NELL1: variants seen among roughly 807,000 people sequenced by gnomAD.
NELL1 encodes neural EGFL like 1.
Under a neutral mutation model 107.4 loss-of-function variants are expected in NELL1, and 76 were observed. That is an observed-to-expected ratio of 0.71 (90% confidence interval 0.59 to 0.86). The LOEUF is 0.86. Ranked by LOEUF, NELL1 falls within the 40% of genes least tolerant of loss-of-function variation. NELL1 has a pLI of 0.00. For synonymous variants in NELL1, 353 were observed against 341.2 expected (o/e 1.03, Z -0.38); for missense variants, 1,024 against 1,005.5 (o/e 1.02, Z -0.25).
At chr11:21,158,483 A>C (rs1368337182) in intron 13 of NELL1, among the ~76,000 whole-genome samples, 1 of 152,184 alleles carries the variant, frequency 6.6e-6, no homozygotes, top group Non-Finnish European at 1.5e-5. Flanking sequence ...AGTGTTATCT[A>C]TTATTGTTTT....
chr11:21,245,559 C>T (rs1435247575), intron 14 of NELL1, among the ~76,000 whole-genome samples: 3 of 152,100 alleles, frequency 2.0e-5, no homozygotes, highest in Non-Finnish European at 4.4e-5. Context: ...ACTCTGTGTC[C>T]AGAATATCAC....
At chr11:21,123,411 A>G (rs924968155) in intron 13 of NELL1, among the ~76,000 whole-genome samples, 1 of 151,892 alleles carries the variant, frequency 6.6e-6, no homozygotes, top group Non-Finnish European at 1.5e-5. Context: ...GAGTATATTA[A>G]CAGCTTTGAA....
At chr11:21,078,685 G>T (rs576165125) in intron 12 of NELL1, among the ~76,000 whole-genome samples, 3 of 152,146 alleles carry the variant, frequency 2.0e-5, no homozygotes, top group Admixed American at 6.5e-5. Flanking sequence ...TACTGCATGG[G>T]TATGTGTGTA....
At chr11:21,489,404 A>AAAAAAAAAAAAAAAAAAAC (rs1554922049) in intron 15 of NELL1, among the ~76,000 whole-genome samples, 4 of 137,200 alleles carry the variant, frequency 2.9e-5, no homozygotes, top group African/African-American at 9.0e-5. Context: ...AAAAAAAAAA[A>AAAAAAAAAAAAAAAAAAAC]AAAACAGAAG....
intron 14 of NELL1, among the ~76,000 whole-genome samples, chr11:21,292,364 C>T (rs1849288108): frequency 6.6e-6 from 1 of 152,108 alleles, no homozygotes; most frequent in Admixed American, 6.6e-5. Flanking sequence ...AGGAATACAA[C>T]TTATGAGGGA....
At chr11:21,477,770 T>C (rs1174909858) in intron 15 of NELL1, among the ~76,000 whole-genome samples, 1 of 151,902 alleles carries the variant, frequency 6.6e-6, no homozygotes, top group Non-Finnish European at 1.5e-5. Context: ...ATAGCTGTTT[T>C]GAGGAAACTC....
intron 12 of NELL1, among the ~76,000 whole-genome samples, chr11:20,989,919 C>A (rs1396790590): frequency 1.3e-5 from 2 of 151,706 alleles, no homozygotes; most frequent in African/African-American, 4.9e-5. Flanking sequence ...ATGGCATGAA[C>A]CCGGGAGGCA....
At chr11:20,803,457 T>A (rs1857319625) in intron 3 of NELL1, among the ~76,000 whole-genome samples, 1 of 152,202 alleles carries the variant, frequency 6.6e-6, no homozygotes, top group South Asian at 2.1e-4. Flanking sequence ...TTAATCTGGC[T>A]AAAGATTTGT....
At chr11:21,471,355 G>A (rs1337856604) in intron 15 of NELL1, among the ~76,000 whole-genome samples, 1 of 151,988 alleles carries the variant, frequency 6.6e-6, no homozygotes, top group Admixed American at 6.6e-5. Flanking sequence ...TTTCTGTCTT[G>A]ACCACTAGAA....
chr11:20,919,330 C>A lies in NELL1; in HGVS notation c.755C>A (p.Ala252Glu), dbSNP rs1850327689. 1 of 1,570,918 alleles carries A rather than the reference C, an allele frequency of 6.4e-7. No individual in the cohort carries two copies. The highest frequency in any genetic ancestry group is 8.7e-7 in the Non-Finnish European group (1 of 1,146,010). ...DLQELLAKMT[A>E]KLNYAETRLS... ...CAAGAGCTTTTGGCCAAGATGACTG[C>A]AAAAGTAGGTATCTAAATTTCATTT... is the stretch of plus-strand genomic sequence containing the variant. Residue 252 changes from alanine (A) to glutamate (E), a missense_variant, in exon 7 of 20, where the codon GCA becomes GAA. Ala to Glu is a moderately radical substitution (Grantham distance 107). Coordinates refer to ENST00000357134, the MANE Select transcript of NELL1 (RefSeq NM_006157.5).
intron 2 of NELL1, among the ~76,000 whole-genome samples, chr11:20,680,609 G>A (rs1231309290): frequency 6.6e-6 from 1 of 152,094 alleles, no homozygotes; most frequent in Non-Finnish European, 1.5e-5. Flanking sequence ...AAAGAAGAAA[G>A]GAGTCACTGG....
chr11:21,227,076 T>G (rs559769457), intron 13 of NELL1, among the ~76,000 whole-genome samples: 1 of 152,230 alleles, frequency 6.6e-6, no homozygotes, highest in Middle Eastern at 3.2e-3. Context: ...GAACCATACC[T>G]TTCTCCATAC....
intron 12 of NELL1, among the ~76,000 whole-genome samples, chr11:20,992,858 G>T (rs996678074): frequency 6.6e-6 from 1 of 151,942 alleles, no homozygotes; most frequent in Non-Finnish European, 1.5e-5. Context: ...GGGATTACAG[G>T]CATGCGCCAC....
intron 13 of NELL1, among the ~76,000 whole-genome samples, chr11:21,215,831 C>G (rs1051991650): frequency 7.2e-5 from 11 of 152,076 alleles, no homozygotes; most frequent in Non-Finnish European, 1.3e-4. Context: ...TAATTTGCAG[C>G]CTGACAATGT....
intron 14 of NELL1, among the ~76,000 whole-genome samples, chr11:21,275,383 G>A (rs1212824680): frequency 6.6e-6 from 1 of 152,074 alleles, no homozygotes; most frequent in African/African-American, 2.4e-5. Context: ...ACCAATAACA[G>A]GCTCTGAAAT....
In NELL1 at chr11:21,511,764, G is replaced by A. The variant is rs908594983; in HGVS notation, c.1646-22610G>A. 8.2e-4 allele frequency among the ~76,000 whole-genome samples: 125 copies of A among 152,292 alleles called. 2 individuals carry two copies. Among genetic ancestry groups the A allele is most frequent in the East Asian group, 3.9e-4 (2 of 5,184 alleles). Reference sequence around the variant, plus strand: ...ATGATGGATTTGAGAAGGCCAGAATGTCTGGAGTGTAATGAGCTCAGGGAA... The same window carrying A: ...ATGATGGATTTGAGAAGGCCAGAATATCTGGAGTGTAATGAGCTCAGGGAA... On this transcript the variant is annotated intron_variant, in intron 15 of 19. Coordinates refer to ENST00000357134, the MANE Select transcript of NELL1 (RefSeq NM_006157.5).
chr11:20,810,712 T>C (rs1857484971), intron 3 of NELL1, among the ~76,000 whole-genome samples: 1 of 152,182 alleles, frequency 6.6e-6, no homozygotes, highest in Admixed American at 6.5e-5. Flanking sequence ...TAATGACCTC[T>C]TTTCCTCTGG....
rs181821118 is a variant in NELL1 at position 21,052,321 on chromosome 11, A to G, written c.1301-61268A>G. Among the ~76,000 whole-genome samples the G allele has an allele frequency of 1.4e-4, 22 of 152,108 alleles. No homozygotes were observed. The South Asian group carries it at 3.9e-3, about 27-fold the overall frequency. On this transcript the variant is annotated intron_variant, in intron 12 of 19. Transcript: ENST00000357134. ...TGGGACCACAGAAGAGTCTGAACTG[A>G]ACAGTCACATGATCTCACTTACATT...
At chr11:21,298,521 G>A (rs112638323) in intron 14 of NELL1, among the ~76,000 whole-genome samples, 3 of 152,026 alleles carry the variant, frequency 2.0e-5, no homozygotes, top group African/African-American at 7.2e-5. Flanking sequence ...GAATTGATGT[G>A]CTTTCTTTCA....
Sources: gnomAD v4.1 joint callset for allele counts (sites outside exome capture counted in the v4.1 genomes callset) on GRCh38, gnomAD v4.1.1 for gene constraint, MANE v1.5 for transcripts, NCBI Gene and HGNC (gene_info 2026-07-23, HGNC 2026-07-21) for gene names.